CTNNA1: variants seen among roughly 807,000 people sequenced by gnomAD.
CTNNA1 encodes catenin alpha 1, also known as catenin alpha-1.
Under a neutral mutation model 98.4 loss-of-function variants are expected in CTNNA1, and 37 were observed. That is an observed-to-expected ratio of 0.38 (90% CI 0.29 to 0.49). CTNNA1 has a LOEUF of 0.49. Ranked by LOEUF, CTNNA1 falls within the 20% of genes least tolerant of loss-of-function variation. CTNNA1 has a pLI of 0.95. For missense variants in CTNNA1, 761 were observed against 1,147.2 expected, an observed-to-expected ratio of 0.66 and a Z score of 4.86; for synonymous variants, 404 against 413.2, an observed-to-expected ratio of 0.98 and a Z score of 0.27.
intron 12 of CTNNA1, 116 bp from the exon 13 acceptor site, chr5:138,925,140 A>C: frequency 9.1e-7 from 1 of 1,104,680 alleles, no homozygotes; most frequent in Non-Finnish European, 1.3e-6. Context: ...ACACAGGTAG[A>C]AGCAGAGGCT....
At chr5:138,768,558 GTTTTT>G (rs36038829) in intron 1 of CTNNA1, among the ~76,000 whole-genome samples, 2 of 67,556 alleles carry the variant, frequency 3.0e-5, no homozygotes. Context: ...AACGGTGTCT[GTTTTT>G]TTTTTTTTTT....
At chr5:138,871,800 A>ATTAT (rs1485061725) in intron 7 of CTNNA1, 11 of 152,220 alleles carry the variant, frequency 7.2e-5, no homozygotes, top group Admixed American at 6.5e-5. Context: ...TACAGCGTGA[A>ATTAT]TGCGTATCTT....
chr5:138,897,414 T>G (rs1350343883), intron 9 of CTNNA1, among the ~76,000 whole-genome samples: 1 of 151,280 alleles, frequency 6.6e-6, no homozygotes. Context: ...TGATCTGCAT[T>G]ATAACTTTTA....
intron 3 of CTNNA1, among the ~76,000 whole-genome samples, chr5:138,791,679 A>G (rs1454287147): frequency 7.3e-6 from 1 of 136,432 alleles, no homozygotes; most frequent in African/African-American, 2.7e-5. Flanking sequence ...AGGAGTATTT[A>G]TTGTCTGCTA....
At chr5:138,777,275 A>G (rs1159118903) in intron 1 of CTNNA1, among the ~76,000 whole-genome samples, 24 of 135,908 alleles carry the variant, frequency 1.8e-4, no homozygotes, top group East Asian at 9.9e-4. Context: ...CCGGGCAGAG[A>G]CGCTCCTCAC....
chr5:138,929,136 A>G (rs1764764084), intron 13 of CTNNA1, 110 bp from the exon 14 acceptor site: 2 of 771,154 alleles, frequency 2.6e-6, no homozygotes, highest in East Asian at 2.4e-5. Context: ...AACACTGCAC[A>G]TTAAAATCCA....
chr5:138,832,812 G>T (rs1338750893), intron 7 of CTNNA1, among the ~76,000 whole-genome samples: 1 of 152,060 alleles, frequency 6.6e-6, no homozygotes, highest in Non-Finnish European at 1.5e-5. Context: ...CTGGTTAATG[G>T]GTTAAAATTT....
intron 1 of CTNNA1, among the ~76,000 whole-genome samples, chr5:138,767,900 G>C (rs58692921): frequency 6.6e-6 from 1 of 152,156 alleles, no homozygotes; most frequent in Non-Finnish European, 1.5e-5. Flanking sequence ...TTAAAGAGCA[G>C]TCTGAGGGTT....
In CTNNA1 at chr5:138,892,262, AC is replaced by A. The variant is rs528175644; in HGVS notation, c.1296+4621del. On this transcript the variant is annotated intron_variant, in intron 9 of 17. Coordinates refer to ENST00000302763, the MANE Select transcript of CTNNA1 (RefSeq NM_001903.5). Reference sequence around the variant, plus strand: ...AGATATTTTGGGTTAACACATACTTACATATTTTCAGGATGTGATATAGAAA... The same window carrying A: ...AGATATTTTGGGTTAACACATACTTAATATTTTCAGGATGTGATATAGAAA... 4.1e-3 allele frequency among the ~76,000 whole-genome samples: 624 copies of A among 151,748 alleles called. 1 individual carries two copies. The highest frequency in any genetic ancestry group is 0.017 in the Middle Eastern group (5 of 292).
chr5:138,810,295 T>A, intron 4 of CTNNA1, 91 bp downstream of exon 4: 1 of 1,456,764 alleles, frequency 6.9e-7, no homozygotes, highest in Non-Finnish European at 9.4e-7. Context: ...GGATTTAGTT[T>A]GGTTTTGAAT....
chr5:138,773,020 A>C (rs2149611031), intron 1 of CTNNA1, among the ~76,000 whole-genome samples: 1 of 152,348 alleles, frequency 6.6e-6, no homozygotes, highest in East Asian at 1.9e-4. Flanking sequence ...TGACTTAATC[A>C]AAAGTCAGAG....
intron 3 of CTNNA1, among the ~76,000 whole-genome samples, chr5:138,806,776 A>C (rs1296282802): frequency 6.6e-6 from 1 of 151,850 alleles, no homozygotes; most frequent in Non-Finnish European, 1.5e-5. Flanking sequence ...TTAATATATA[A>C]TATACAAGCC....
chr5:138,786,759 A>G (rs565232746), intron 3 of CTNNA1, among the ~76,000 whole-genome samples: 2 of 152,330 alleles, frequency 1.3e-5, no homozygotes, highest in South Asian at 4.1e-4. Flanking sequence ...CCACCTAGGA[A>G]GCAGATCCTC....
At chr5:138,824,479 T>TA (rs779331026) in intron 5 of CTNNA1, 51 bp from the exon 6 acceptor site, 56 of 1,583,456 alleles carry the variant, frequency 3.5e-5, no homozygotes, top group Non-Finnish European at 4.7e-5. Flanking sequence ...TTTATATGAG[T>TA]AAAGCCCATA....
intron 7 of CTNNA1, among the ~76,000 whole-genome samples, chr5:138,830,131 C>T (rs1342316719): frequency 6.6e-6 from 1 of 151,184 alleles, no homozygotes; most frequent in Admixed American, 6.6e-5. Flanking sequence ...CACGCCACTG[C>T]ACTCCAGCCT....
intron 9 of CTNNA1, among the ~76,000 whole-genome samples, chr5:138,892,394 CA>C (rs1354227979): frequency 1.7e-5 from 2 of 119,160 alleles, no homozygotes; most frequent in African/African-American, 3.4e-5. Context: ...GGCTGGAGTG[CA>C]GTGACATGAT....
intron 1 of CTNNA1, among the ~76,000 whole-genome samples, chr5:138,779,572 G>A (rs1201110213): frequency 2.0e-5 from 3 of 151,412 alleles, no homozygotes; most frequent in Non-Finnish European, 2.9e-5. Context: ...CTCTCTGTGT[G>A]GCCCAGGCTG....
chr5:138,868,065 T>C (rs571693513), intron 7 of CTNNA1, among the ~76,000 whole-genome samples: 2 of 152,332 alleles, frequency 1.3e-5, no homozygotes, highest in Admixed American at 1.3e-4. Flanking sequence ...ATTTTCTTAA[T>C]AACATTTTCT....
chr5:138,925,099 A>G (rs1763719867), intron 12 of CTNNA1, among the ~76,000 whole-genome samples, 157 bp from the exon 13 acceptor site: 1 of 152,228 alleles, frequency 6.6e-6, no homozygotes, highest in Admixed American at 6.5e-5. Context: ...AAAATACTGC[A>G]TTTAATTTAT....
Sources: allele counts gnomAD v4.1 joint callset (sites outside exome capture counted in the v4.1 genomes callset), GRCh38; gene constraint gnomAD v4.1.1; transcripts MANE v1.5; gene names NCBI Gene and HGNC (gene_info 2026-07-23, HGNC 2026-07-21).